The following NEUROD2 variants were observed in gnomAD, a reference collection of about 807,000 sequenced individuals.
The protein encoded by NEUROD2 is neuronal differentiation 2.
In NEUROD2, 5 loss-of-function variants were observed where a neutral mutation model predicts 9.3. That is an observed-to-expected ratio of 0.54 (90% confidence interval 0.28 to 1.13). The LOEUF is 1.13. Among genes scored for constraint, NEUROD2 ranks in the 50% most tolerant of loss-of-function variants. NEUROD2 has a pLI of 0.10. For missense variants in NEUROD2, 376 were observed against 549.2 expected (o/e 0.68, Z 3.15); for synonymous variants, 277 against 257.3 (o/e 1.08, Z -0.73).
Position 39,605,680 on chromosome 17 carries a change from C to T in NEUROD2, c.920G>A (p.Gly307Asp), listed in dbSNP as rs2056764823. 6.2e-7 allele frequency: 1 copy of T among 1,611,064 alleles called. No homozygotes were observed. The highest frequency in any genetic ancestry group is 1.7e-5 in the Admixed American group (1 of 59,746). ...GPLSPPLCLN[G>D]NFSLKQDSSP... Reference sequence around the variant, plus strand: ...GGAGTCCTGCTTGAGTGAGAAGTTGCCATTGAGACAGAGCGGGGGGCTGAG... The same window carrying T: ...GGAGTCCTGCTTGAGTGAGAAGTTGTCATTGAGACAGAGCGGGGGGCTGAG... The change falls in exon 2 of 2, where the codon GGC becomes GAC. Residue 307 changes from glycine to aspartate, a missense_variant. This residue lies in a region of NEUROD2 where 193 missense variants were observed against 255.8 expected (regional missense o/e 0.75). Coordinates refer to ENST00000302584, the MANE Select transcript of NEUROD2 (RefSeq NM_006160.4). The surrounding 1 kb of genome is among the most constrained non-coding windows in gnomAD (Gnocchi z 6.8).
Position 39,605,922 on chromosome 17 carries a change from G to A in NEUROD2, c.678C>T (p.Arg226=), listed in dbSNP as rs779956558. 2 of 1,610,064 alleles carry A rather than the reference G, an allele frequency of 1.2e-6. No homozygotes were observed. The highest frequency in any genetic ancestry group is 2.2e-5 in the South Asian group (2 of 90,934). ...CGAACGGGCCGCCCGAGCCGTGGAA[G>A]CGGCCGGCACCGTCGGCGCCTTGCT... is the stretch of plus-strand genomic sequence containing the variant. ...LTEQGADGAG[R]FHGSGGPFAM... The change falls in exon 2 of 2, where the codon CGC becomes CGT. Residue 226 remains arginine, a synonymous_variant. Transcript: ENST00000302584. This position sits in a 1 kb window ranked among gnomAD's most constrained non-coding sequence, Gnocchi z 6.8.
rs778399011 is a variant in NEUROD2, at chr17:39,606,518, C to T, written c.82G>A (p.Glu28Lys). The T allele has an allele frequency of 1.6e-5, 25 of 1,566,746 alleles. No individual in the cohort carries two copies. The highest frequency in any genetic ancestry group is 2.1e-5 in the Non-Finnish European group (24 of 1,165,504). Reference sequence around the variant, plus strand: ...GCGTCGCCCTTGTCGCTCCTCGGCTCGTCGTCTTCGCCGTCGCCCCAGCTG... The same window carrying T: ...GCGTCGCCCTTGTCGCTCCTCGGCTTGTCGTCTTCGCCGTCGCCCCAGCTG... ...FASWGDGEDD[E>K]PRSDKGDAPP... The change falls in exon 2 of 2, where the codon GAG (glutamate) becomes AAG (lysine). Residue 28 changes from glutamate to lysine, a missense_variant. This residue lies in a region of NEUROD2 where 134 missense variants were observed against 133.6 expected (regional missense o/e 1.00). Coordinates refer to ENST00000302584, the MANE Select transcript of NEUROD2 (RefSeq NM_006160.4). The surrounding 1 kb of genome is among the most constrained non-coding windows in gnomAD (Gnocchi z 7.8).
chr17:39,607,463 TCCTCCGTCTCGG>T, intron 1 of NEUROD2: 1 of 279,912 alleles, frequency 3.6e-6, no homozygotes. Flanking sequence ...CATGGAGGGG[TCCTCCGTCTCGG>T]CCTCTTCGCA....
intron 1 of NEUROD2, chr17:39,607,408 CCT>C (rs2056773895): frequency 6.2e-6 from 1 of 161,734 alleles, no homozygotes; most frequent in Admixed American, 6.5e-5. Context: ...TGTTTGCTTC[CCT>C]TTTTTCGGTG....
In NEUROD2 at chr17:39,607,732, G is replaced by T; in HGVS notation, c.-10C>A. The T allele has an allele frequency of 2.3e-6, 1 of 444,372 alleles. No homozygotes were observed. Among genetic ancestry groups the T allele is most frequent in the Non-Finnish European group, 3.0e-6 (1 of 337,976 alleles). The allele number at this position is 444,372 out of a possible 1,614,324, so 27.5% of individuals were successfully genotyped here. A position where few individuals can be genotyped will look rare whatever the true frequency, so the allele number is the denominator to read the frequency against. ...GCTCCCTTTCGGACAACTTACCTCGGAGAGGAGTCAAGGGGAGAGGGGAGG... is the reference window on the plus strand; with the variant it reads ...GCTCCCTTTCGGACAACTTACCTCGTAGAGGAGTCAAGGGGAGAGGGGAGG... On this transcript the variant is annotated 5_prime_UTR_variant, in exon 1 of 2. Coordinates refer to ENST00000302584, the MANE Select transcript of NEUROD2 (RefSeq NM_006160.4).
Position 39,606,862 on chromosome 17 carries a change from G to A in NEUROD2, c.-5-258C>T. 1 of 449,132 alleles carries A rather than the reference G, an allele frequency of 2.2e-6. No homozygotes were observed. 27.8% of individuals were successfully genotyped at this position (449,132 alleles called of 1,614,324 possible). ...GCTCCGCCCCTCGCTTGAATGGGGG[G>A]CTGCTCCCCGCGCCTGCTTCTTCTC... is the stretch of plus-strand genomic sequence containing the variant. On this transcript the variant is annotated intron_variant, in intron 1 of 1. Coordinates refer to ENST00000302584, the MANE Select transcript of NEUROD2 (RefSeq NM_006160.4). This position sits in a 1 kb window ranked among gnomAD's most constrained non-coding sequence, Gnocchi z 7.8.
rs2144810143 is a variant in NEUROD2, at chr17:39,604,476, G to A, written c.*975C>T. The A allele has an allele frequency of 6.6e-6, 1 of 152,350 alleles. No homozygotes were observed. The highest frequency in any genetic ancestry group is 1.5e-5 in the Non-Finnish European group (1 of 68,002). 9.4% of individuals were successfully genotyped at this position (152,350 alleles called of 1,614,324 possible). On this transcript the variant is annotated 3_prime_UTR_variant, in exon 2 of 2. Transcript: ENST00000302584. ...ACTGATTGTAAGAACCTGGGGAGGG[G>A]GAGGGGGCGGCGCGGGCCCCCACTT...
In NEUROD2 at chr17:39,605,543, C is replaced by CG; in HGVS notation, c.1056dup (p.Val353ArgfsTer30). 6.2e-7 allele frequency: 1 copy of CG among 1,613,316 alleles called. No individual in the cohort carries two copies. The highest frequency in any genetic ancestry group is 2.2e-5 in the East Asian group (1 of 44,834). On this transcript the variant is annotated frameshift_variant, in exon 2 of 2. Transcript: ENST00000302584. LOFTEE classifies it high-confidence loss of function. This position sits in a 1 kb window ranked among gnomAD's most constrained non-coding sequence, Gnocchi z 6.8. ...TAAGACAAGAGATTCTCCGAGTGGA[C>CG]GCCCCCGCGCACAGCCGACGAGCCG...
rs2056776296 is a variant in NEUROD2, at chr17:39,607,783, GA to G, written c.-62del. Reference sequence around the variant, plus strand: ...GGAGGGGGGGAGGGGGCAAGAGAGAGAGGGGGGAGAAGAGGGATCTTCTCGC... The same window carrying G: ...GGAGGGGGGGAGGGGGCAAGAGAGAGGGGGGGAGAAGAGGGATCTTCTCGC... On this transcript the variant is annotated 5_prime_UTR_variant, in exon 1 of 2. Coordinates refer to ENST00000302584, the MANE Select transcript of NEUROD2 (RefSeq NM_006160.4). 6.0e-6 allele frequency: 1 copy of G among 165,516 alleles called. No homozygotes were observed. Among genetic ancestry groups the G allele is most frequent in the African/African-American group, 2.4e-5 (1 of 41,648 alleles). 10.3% of individuals were successfully genotyped at this position (165,516 alleles called of 1,614,324 possible).
rs762915547 is a variant in NEUROD2, at chr17:39,606,601, G to T, written c.-2C>A. On this transcript the variant is annotated 5_prime_UTR_variant, in exon 2 of 2. Transcript: ENST00000302584. The surrounding 1 kb of genome is among the most constrained non-coding windows in gnomAD (Gnocchi z 7.8). ...CTCGCTGAACAGGCGGGTCAGCATG[G>T]TGCCTGAGGGCGCCCCGCGGGCGGG... The T allele has an allele frequency of 1.9e-6, 3 of 1,550,658 alleles. No individual in the cohort carries two copies. The South Asian group carries it at 3.5e-5, about 18-fold the overall frequency.
chr17:39,606,416 C>T lies in NEUROD2; in HGVS notation c.184G>A (p.Gly62Arg). Residue 62 changes from glycine to arginine, a missense_variant, in exon 2 of 2, where the codon GGA becomes AGA. By Grantham distance (125) the Gly-to-Arg change is moderately radical (BLOSUM62 -2). Coordinates refer to ENST00000302584, the MANE Select transcript of NEUROD2 (RefSeq NM_006160.4). The surrounding 1 kb of genome is among the most constrained non-coding windows in gnomAD (Gnocchi z 7.8). ...AACGTGGCCTCCGTCCCCTCTTCTC[C>T]ACGGAGAGGGACTGGCTTGGCCGCC... ...ARAAKPVPLR[G>R]EEGTEATLAE... The T allele has an allele frequency of 1.3e-6, 2 of 1,537,958 alleles. No homozygotes were observed. Among genetic ancestry groups the T allele is most frequent in the Non-Finnish European group, 1.7e-6 (2 of 1,144,230 alleles).
In NEUROD2 at chr17:39,606,381, G is replaced by T; in HGVS notation, c.219C>A (p.Val73=). The change falls in exon 2 of 2, where the codon GTC becomes GTA. Residue 73 remains valine (V), a synonymous_variant. Coordinates refer to ENST00000302584, the MANE Select transcript of NEUROD2 (RefSeq NM_006160.4). The surrounding 1 kb of genome is among the most constrained non-coding windows in gnomAD (Gnocchi z 7.8). ...CTCCCCCCAGCTCGCCTTCCTCCTT[G>T]ACCTCGGCCAACGTGGCCTCCGTCC... ...EEGTEATLAE[V]KEEGELGGEE... 1 of 1,557,986 alleles carries T rather than the reference G, an allele frequency of 6.4e-7. No individual in the cohort carries two copies.
chr17:39,604,755 CTTTTTTTT>C lies in NEUROD2; in HGVS notation c.*688_*695del, dbSNP rs67001366. ...GCGTTCGGCTTCCGTCGCCTCTTAGCTTTTTTTTTTTTTTTTTTTTTTTTTTTTTTTTT... is the reference window on the plus strand; with the variant it reads ...GCGTTCGGCTTCCGTCGCCTCTTAGCTTTTTTTTTTTTTTTTTTTTTTTTT... On this transcript the variant is annotated 3_prime_UTR_variant, in exon 2 of 2. Coordinates refer to ENST00000302584, the MANE Select transcript of NEUROD2 (RefSeq NM_006160.4). The C allele has an allele frequency of 4.5e-5, 1 of 22,342 alleles. No homozygotes were observed. The highest frequency in any genetic ancestry group is 7.4e-5 in the Non-Finnish European group (1 of 13,476). 1.4% of individuals were successfully genotyped at this position (22,342 alleles called of 1,614,324 possible).
rs753509027 is a variant in NEUROD2, at chr17:39,606,508, C to T, written c.92G>A (p.Ser31Asn). 5.1e-6 allele frequency: 8 copies of T among 1,559,618 alleles called. No homozygotes were observed. The highest frequency in any genetic ancestry group is 6.9e-6 in the Non-Finnish European group (8 of 1,161,154). Reference sequence around the variant, plus strand: ...CGGTGGCGGCGCGTCGCCCTTGTCGCTCCTCGGCTCGTCGTCTTCGCCGTC... The same window carrying T: ...CGGTGGCGGCGCGTCGCCCTTGTCGTTCCTCGGCTCGTCGTCTTCGCCGTC... ...WGDGEDDEPR[S>N]DKGDAPPPPP... Residue 31 changes from serine (S) to asparagine (N), a missense_variant, in exon 2 of 2, where the codon AGC becomes AAC. By Grantham distance (46) the Ser-to-Asn change is conservative (BLOSUM62 1). Transcript: ENST00000302584. The surrounding 1 kb of genome is among the most constrained non-coding windows in gnomAD (Gnocchi z 7.8).
At position 39,606,555 on chromosome 17, in the gene NEUROD2, C is replaced by T. The variant is rs1180125306; in HGVS notation, c.45G>A (p.Val15=). 2 of 1,584,542 alleles carry T rather than the reference C, an allele frequency of 1.3e-6. No homozygotes were observed. The highest frequency in any genetic ancestry group is 2.7e-5 in the African/African-American group (2 of 73,322). Residue 15 remains valine, a synonymous_variant, in exon 2 of 2, where the codon GTG becomes GTA. Transcript: ENST00000302584. This position sits in a 1 kb window ranked among gnomAD's most constrained non-coding sequence, Gnocchi z 7.8. ...LFSEPGLLSD[V]PKFASWGDGE... ...CGTCGCCCCAGCTGGCGAACTTGGG[C>T]ACGTCCGAGAGAAGGCCGGGCTCGC...
Position 39,607,752 on chromosome 17 carries a change from G to C in NEUROD2, c.-30C>G. 4.5e-6 allele frequency: 1 copy of C among 220,916 alleles called. No homozygotes were observed. The highest frequency in any genetic ancestry group is 6.5e-5 in the Admixed American group (1 of 15,372). The allele number at this position is 220,916 out of a possible 1,614,324, so 13.7% of individuals were successfully genotyped here. A position where few individuals can be genotyped will look rare whatever the true frequency, so the allele number is the denominator to read the frequency against. On this transcript the variant is annotated 5_prime_UTR_variant, in exon 1 of 2. Transcript: ENST00000302584. The stretch of plus-strand genomic sequence containing the variant: ...CCTCGGAGAGGAGTCAAGGGGAGAG[G>C]GGAGGGGAGGGGGGGAGGGGGCAAG...
At position 39,606,627 on chromosome 17, in the gene NEUROD2, A is replaced by G. The variant is rs1004834100; in HGVS notation, c.-5-23T>C. ...TGCCTGAGGGCGCCCCGCGGGCGGG[A>G]AGGGGAGACAGACAGCACAAAGTGA... is the stretch of plus-strand genomic sequence containing the variant. On this transcript the variant is annotated intron_variant, in intron 1 of 1. Coordinates refer to ENST00000302584, the MANE Select transcript of NEUROD2 (RefSeq NM_006160.4). This position sits in a 1 kb window ranked among gnomAD's most constrained non-coding sequence, Gnocchi z 7.8. 1 of 1,523,290 alleles carries G rather than the reference A, an allele frequency of 6.6e-7. No individual in the cohort carries two copies. The allele number at this position is 1,523,290 out of a possible 1,614,324, so 94.4% of individuals were successfully genotyped here.
rs1324972298 is a variant in NEUROD2 at position 39,606,713 on chromosome 17, G to C, written c.-5-109C>G. On this transcript the variant is annotated intron_variant, in intron 1 of 1. Coordinates refer to ENST00000302584, the MANE Select transcript of NEUROD2 (RefSeq NM_006160.4). This position sits in a 1 kb window ranked among gnomAD's most constrained non-coding sequence, Gnocchi z 7.8. ...CTCCTCCACCCCCGAGTCTCGTGCG[G>C]GCTCCTGCCTAGGCTACCCTGGATG... 9 of 1,214,470 alleles carry C rather than the reference G, an allele frequency of 7.4e-6. No homozygotes were observed. Among genetic ancestry groups the C allele is most frequent in the Non-Finnish European group, 3.3e-6 (3 of 915,246 alleles). 75.2% of individuals were successfully genotyped at this position (1,214,470 alleles called of 1,614,324 possible).
chr17:39,605,802 C>A lies in NEUROD2; in HGVS notation c.798G>T (p.Arg266=). ...GLGGGAAHAL[R]THGYCAAYET... ...CGTAGGCGGCGCAGTAGCCGTGGGTCCGCAGGGCGTGCGCCGCGCCGCCGC... is the reference window on the plus strand; with the variant it reads ...CGTAGGCGGCGCAGTAGCCGTGGGTACGCAGGGCGTGCGCCGCGCCGCCGC... Residue 266 remains arginine (R), a synonymous_variant, in exon 2 of 2, where the codon CGG becomes CGT. Coordinates refer to ENST00000302584, the MANE Select transcript of NEUROD2 (RefSeq NM_006160.4). This position sits in a 1 kb window ranked among gnomAD's most constrained non-coding sequence, Gnocchi z 6.8. 7.2e-7 allele frequency: 1 copy of A among 1,382,292 alleles called. No individual in the cohort carries two copies. The highest frequency in any genetic ancestry group is 1.8e-5 in the South Asian group (1 of 56,304). The allele number at this position is 1,382,292 out of a possible 1,614,324, so 85.6% of individuals were successfully genotyped here. A position where few individuals can be genotyped will look rare whatever the true frequency, so the allele number is the denominator to read the frequency against.
Sources: allele counts gnomAD v4.1 joint callset, GRCh38; gene constraint gnomAD v4.1.1; regional missense constraint gnomAD v4.1.1; non-coding constraint Gnocchi (gnomAD v3.1); transcripts MANE v1.5; gene names NCBI Gene and HGNC (gene_info 2026-07-23, HGNC 2026-07-21).